Variants in ANO1 observed in about 807,000 individuals in gnomAD.
The protein encoded by ANO1 is anoctamin-1.
A neutral mutation model predicts 124.0 loss-of-function variants in ANO1; 59 were observed. That is an observed-to-expected ratio of 0.48 (90% CI 0.39 to 0.59). ANO1 has a LOEUF of 0.59. Among genes scored for constraint, ANO1 ranks in the 20% least tolerant of loss-of-function variants. The pLI, the probability that ANO1 is intolerant of heterozygous loss-of-function variation, is 0.00. For synonymous variants in ANO1, 529 were observed against 532.0 expected, an observed-to-expected ratio of 0.99 and a Z score of 0.08; for missense variants, 1,059 against 1,328.0, an observed-to-expected ratio of 0.80 and a Z score of 3.15.
intron 1 of ANO1, among the ~76,000 whole-genome samples, chr11:70,070,587 A>C (rs1445720785): frequency 6.6e-6 from 1 of 152,132 alleles, no homozygotes; most frequent in Non-Finnish European, 1.5e-5. Flanking sequence ...GAGACAGGAG[A>C]ATTTCTTGAA....
intron 22 of ANO1, among the ~76,000 whole-genome samples, chr11:70,171,410 C>T (rs942112106): frequency 1.3e-5 from 2 of 152,252 alleles, no homozygotes; most frequent in South Asian, 2.1e-4. Flanking sequence ...GCAAGACCAA[C>T]GGGAAAGGAG....
At chr11:70,167,872 A>C (rs2048317524) in intron 21 of ANO1, among the ~76,000 whole-genome samples, 1 of 152,104 alleles carries the variant, frequency 6.6e-6, no homozygotes, top group African/African-American at 2.4e-5. Context: ...CCCTCCTCTC[A>C]GCTCCAAGGC....
chr11:70,041,110 C>T (rs967848584), intron 1 of ANO1, among the ~76,000 whole-genome samples: 1 of 152,166 alleles, frequency 6.6e-6, no homozygotes, highest in Non-Finnish European at 1.5e-5. Flanking sequence ...ACACCCACCC[C>T]ACCCCATGTG....
chr11:70,083,063 T>C (rs920429547), intron 1 of ANO1, among the ~76,000 whole-genome samples: 1 of 152,174 alleles, frequency 6.6e-6, no homozygotes, highest in Non-Finnish European at 1.5e-5. Context: ...CCAGCTCCTT[T>C]TGTAACTTTT....
At chr11:69,988,270 A>G (rs1405886515) in intron 1 of ANO1, among the ~76,000 whole-genome samples, 1 of 152,186 alleles carries the variant, frequency 6.6e-6, no homozygotes, top group African/African-American at 2.4e-5. Flanking sequence ...CCAGACCCAG[A>G]GAGAGGAAGC....
chr11:70,156,678 A>G (rs898854098), intron 15 of ANO1, among the ~76,000 whole-genome samples: 3 of 152,186 alleles, frequency 2.0e-5, no homozygotes, highest in African/African-American at 7.2e-5. Flanking sequence ...CTGGCATTAC[A>G]ATGTCCTACA....
At chr11:70,047,329 C>A (rs1448836295) in intron 1 of ANO1, among the ~76,000 whole-genome samples, 1 of 151,862 alleles carries the variant, frequency 6.6e-6, no homozygotes, top group Non-Finnish European at 1.5e-5. Flanking sequence ...TTTCTATAAA[C>A]CCAAAAGTAT....
chr11:70,027,935 A>G (rs1462090996), intron 1 of ANO1, among the ~76,000 whole-genome samples: 1 of 152,068 alleles, frequency 6.6e-6, no homozygotes, highest in Non-Finnish European at 1.5e-5. Context: ...TATTTGTGTT[A>G]AGTCATCTGG....
At chr11:70,161,774 A>G (rs2048053058) in intron 18 of ANO1, 41 bp downstream of exon 18, 1 of 1,591,496 alleles carries the variant, frequency 6.3e-7, no homozygotes, top group African/African-American at 1.3e-5. Context: ...CGCTTCTCCC[A>G]GGTCCAGGAG....
At chr11:70,160,914 C>T (rs985200294) in intron 16 of ANO1, among the ~76,000 whole-genome samples, 10 of 152,214 alleles carry the variant, frequency 6.6e-5, no homozygotes, top group East Asian at 1.9e-4. Context: ...GGCCTGTCTA[C>T]GTAACCTCTC....
At chr11:70,149,611 T>C in intron 11 of ANO1, 99 bp from the exon 12 acceptor site, 4 of 1,265,806 alleles carry the variant, frequency 3.2e-6, no homozygotes, top group Non-Finnish European at 3.3e-6. Flanking sequence ...GATTGCGCCA[T>C]TGCACTACAG....
rs184012436 is a variant in ANO1, at chr11:70,111,674, C to A, written c.800-33C>A. 1.4e-5 allele frequency: 23 copies of A among 1,611,226 alleles called. 1 individual carries two copies. The East Asian group carries it at 4.5e-4, about 31-fold the overall frequency. Reference sequence around the variant, plus strand: ...CAATGGGAAGCGGGAGACCCGCCTGCCCCATAACCTTCTCTCTGCCTCTGT... The same window carrying A: ...CAATGGGAAGCGGGAGACCCGCCTGACCCATAACCTTCTCTCTGCCTCTGT... On this transcript the variant is annotated intron_variant, in intron 6 of 25. Transcript: ENST00000355303.
chr11:70,130,625 C>T (rs1000605747), intron 10 of ANO1, among the ~76,000 whole-genome samples: 1 of 152,346 alleles, frequency 6.6e-6, no homozygotes, highest in East Asian at 1.9e-4. Context: ...GGGAGTAAGT[C>T]AGTGCTGGGG....
chr11:70,105,682 A>T, intron 4 of ANO1, 52 bp from the exon 5 acceptor site: 2 of 1,567,608 alleles, frequency 1.3e-6, no homozygotes, highest in Non-Finnish European at 8.8e-7. Context: ...AAACCCAGAG[A>T]ACTGCCAGCT....
At chr11:70,101,202 C>T (rs1296243740) in intron 2 of ANO1, among the ~76,000 whole-genome samples, 1 of 152,092 alleles carries the variant, frequency 6.6e-6, no homozygotes, top group African/African-American at 2.4e-5. Flanking sequence ...AAGCTTTGCC[C>T]AGGTCCCTGG....
At chr11:70,173,884 C>T (rs2048571089) in intron 22 of ANO1, among the ~76,000 whole-genome samples, 1 of 151,918 alleles carries the variant, frequency 6.6e-6, no homozygotes, top group Admixed American at 6.6e-5. Flanking sequence ...AACTGCGTCT[C>T]TACTAAAAAT....
chr11:69,977,245 C>T, the ANO1 span, among the ~76,000 whole-genome samples: 48 of 152,306 alleles, frequency 3.2e-4, no homozygotes, highest in African/African-American at 7.2e-4. Context: ...TCTGTGTGCA[C>T]GGTCAGTCAG....
At chr11:70,025,326 G>A (rs1164745312) in intron 1 of ANO1, among the ~76,000 whole-genome samples, 1 of 152,208 alleles carries the variant, frequency 6.6e-6, no homozygotes, top group Non-Finnish European at 1.5e-5. Context: ...GGAAGAACTG[G>A]TGTCTGCTGC....
chr11:69,978,075 C>T, the ANO1 span, among the ~76,000 whole-genome samples: 1 of 152,140 alleles, frequency 6.6e-6, no homozygotes, highest in South Asian at 2.1e-4. Context: ...TGGGAACTGG[C>T]ATCCCCTAAA....
Sources: gnomAD v4.1 joint callset for allele counts (sites outside exome capture counted in the v4.1 genomes callset) on GRCh38, gnomAD v4.1.1 for gene constraint, MANE v1.5 for transcripts, NCBI Gene and HGNC (gene_info 2026-07-23, HGNC 2026-07-21) for gene names.